KCNJ6: variants seen among roughly 807,000 people sequenced by gnomAD.
The protein encoded by KCNJ6 is G protein-activated inward rectifier potassium channel 2.
KCNJ6 carries 9 observed loss-of-function variants against 34.2 expected under a neutral mutation model. The observed-to-expected ratio is 0.26, with a 90% CI of 0.16 to 0.46. KCNJ6 has a LOEUF of 0.46. KCNJ6 is among the 20% of genes least tolerant of loss of function. The pLI is 1.00. For synonymous variants in KCNJ6, 196 were observed against 207.1 expected, an observed-to-expected ratio of 0.95 and a Z score of 0.46; for missense variants, 236 against 531.3, an observed-to-expected ratio of 0.44 and a Z score of 5.46.
chr21:37,848,318 A>G (rs898735296), intron 1 of KCNJ6, among the ~76,000 whole-genome samples: 1 of 152,234 alleles, frequency 6.6e-6, no homozygotes, highest in Admixed American at 6.5e-5. Context: ...TTTTTAGAGT[A>G]AAGTTAGTTT....
At chr21:37,741,753 C>T (rs1398739524) in intron 2 of KCNJ6, among the ~76,000 whole-genome samples, 1 of 152,236 alleles carries the variant, frequency 6.6e-6, no homozygotes, top group East Asian at 1.9e-4. Context: ...ACCAAGCCAG[C>T]ACCCAGAGGC....
intron 2 of KCNJ6, among the ~76,000 whole-genome samples, chr21:37,835,470 G>T (rs553593909): frequency 6.6e-6 from 1 of 152,194 alleles, no homozygotes; most frequent in East Asian, 1.9e-4. Context: ...GACCTCCAAG[G>T]TTGGAGGGCA....
Position 37,866,029 on chromosome 21 carries a change from A to C in KCNJ6, c.-27-25320T>G, listed in dbSNP as rs79671273. Among the ~76,000 whole-genome samples, 1,265 of 152,308 alleles carry C rather than the reference A, an allele frequency of 8.3e-3. 9 individuals carry two copies. The highest frequency in any genetic ancestry group is 0.014 in the Non-Finnish European group (931 of 68,022). ...TACTAACTTAGGTGTTGCTGTGAAG[A>C]TATTTTGTGGATGTGATCATAATTG... is the stretch of plus-strand genomic sequence containing the variant. On this transcript the variant is annotated intron_variant, in intron 1 of 3. Transcript: ENST00000609713.
At chr21:37,796,586 T>C (rs1353077208) in intron 2 of KCNJ6, among the ~76,000 whole-genome samples, 1 of 152,072 alleles carries the variant, frequency 6.6e-6, no homozygotes, top group Non-Finnish European at 1.5e-5. Flanking sequence ...CTGGTTCTCA[T>C]ACTGAGATTC....
intron 2 of KCNJ6, among the ~76,000 whole-genome samples, chr21:37,781,017 G>A (rs533197883): frequency 6.6e-6 from 1 of 152,310 alleles, no homozygotes; most frequent in East Asian, 1.9e-4. Context: ...ATCACGTTAG[G>A]GGAATGGAAA....
intron 3 of KCNJ6, among the ~76,000 whole-genome samples, chr21:37,643,860 A>C (rs2054392139): frequency 6.6e-6 from 1 of 152,220 alleles, no homozygotes; most frequent in Non-Finnish European, 1.5e-5. Context: ...TCGACCCAGC[A>C]GTCCCATTAC....
intron 2 of KCNJ6, among the ~76,000 whole-genome samples, chr21:37,822,580 G>C (rs1402906568): frequency 6.6e-6 from 1 of 152,214 alleles, no homozygotes; most frequent in African/African-American, 2.4e-5. Context: ...TCAGCATTGA[G>C]AGGCATATTT....
In KCNJ6 at chr21:37,612,727, A is replaced by G. The variant is rs928787401; in HGVS notation, c.*12432T>C. ...TGCACATTTGCACATCCACAGGCAAAAAAAAAAAAAAAAAAAAGAGTCTAA... is the reference window on the plus strand; with the variant it reads ...TGCACATTTGCACATCCACAGGCAAGAAAAAAAAAAAAAAAAAGAGTCTAA... On this transcript the variant is annotated 3_prime_UTR_variant, in exon 4 of 4. Coordinates refer to ENST00000609713, the MANE Select transcript of KCNJ6 (RefSeq NM_002240.5). 6.4e-4 allele frequency: 12 copies of G among 18,608 alleles called. No homozygotes were observed. In the African/African-American group the frequency reaches 7.6e-3, roughly 12 times the overall value. 1.2% of individuals were successfully genotyped at this position (18,608 alleles called of 1,614,324 possible).
intron 1 of KCNJ6, among the ~76,000 whole-genome samples, chr21:37,884,525 G>A (rs1158142347): frequency 6.6e-6 from 1 of 152,070 alleles, no homozygotes; most frequent in African/African-American, 2.4e-5. Flanking sequence ...CTGTTGCTGG[G>A]TTAACCTTCC....
chr21:37,727,467 G>GTGTGTGTGTGCATGGA (rs2054860685), intron 2 of KCNJ6, among the ~76,000 whole-genome samples: 1 of 149,154 alleles, frequency 6.7e-6, no homozygotes, highest in Admixed American at 6.6e-5. Context: ...ACGTGTGTGT[G>GTGTGTGTGTGCATGGA]TGTGTGTGCA....
chr21:37,669,452 C>A (rs1325513354), intron 3 of KCNJ6, among the ~76,000 whole-genome samples: 2 of 152,140 alleles, frequency 1.3e-5, no homozygotes, highest in African/African-American at 4.8e-5. Flanking sequence ...TGACATACTA[C>A]AAATTCAAAG....
rs1030295740 is a variant in KCNJ6 at position 37,888,096 on chromosome 21, G to A, written c.-28+27788C>T. 3.9e-5 allele frequency among the ~76,000 whole-genome samples: 6 copies of A among 152,320 alleles called. No individual in the cohort carries two copies. The East Asian group carries it at 1.2e-3, about 29-fold the overall frequency. ...CTGTTCCCAATTGTCTCCATGACAG[G>A]CCCATGAAAACCAAGGCTGGCTATT... On this transcript the variant is annotated intron_variant, in intron 1 of 3. Transcript: ENST00000609713.
At chr21:37,869,643 T>A (rs529953066) in intron 1 of KCNJ6, among the ~76,000 whole-genome samples, 13 of 152,310 alleles carry the variant, frequency 8.5e-5, no homozygotes, top group African/African-American at 3.1e-4. Flanking sequence ...AGTAGACAGG[T>A]TCTAGCTAAC....
chr21:37,849,187 A>G (rs1172061209), intron 1 of KCNJ6, among the ~76,000 whole-genome samples: 1 of 152,168 alleles, frequency 6.6e-6, no homozygotes, highest in Admixed American at 6.5e-5. Flanking sequence ...TCTGCTTCCA[A>G]GATGCACCTA....
intron 3 of KCNJ6, among the ~76,000 whole-genome samples, chr21:37,713,787 A>G (rs2054775465): frequency 6.6e-6 from 1 of 152,180 alleles, no homozygotes; most frequent in African/African-American, 2.4e-5. Flanking sequence ...AATGGGTGAA[A>G]TTGCATTTTT....
chr21:37,834,540 G>C (rs1186769839), intron 2 of KCNJ6, among the ~76,000 whole-genome samples: 1 of 152,204 alleles, frequency 6.6e-6, no homozygotes, highest in Non-Finnish European at 1.5e-5. Context: ...GTTGCGCCTG[G>C]TGCAGGCAGG....
At chr21:37,811,255 C>A (rs1190581995) in intron 2 of KCNJ6, among the ~76,000 whole-genome samples, 1 of 152,212 alleles carries the variant, frequency 6.6e-6, no homozygotes, top group African/African-American at 2.4e-5. Context: ...ATCTCCTCAT[C>A]TGTATCTTTT....
chr21:37,760,525 G>A (rs1222893552), intron 2 of KCNJ6, among the ~76,000 whole-genome samples: 1 of 152,196 alleles, frequency 6.6e-6, no homozygotes, highest in Admixed American at 6.5e-5. Context: ...CCAGACAGAT[G>A]TAAGTCCAAC....
intron 2 of KCNJ6, among the ~76,000 whole-genome samples, chr21:37,801,739 T>A (rs28446818): frequency 0.046 from 7,051 of 151,704 alleles, 530 homozygotes; most frequent in African/African-American, 0.16. Flanking sequence ...TGATTTTTTT[T>A]AAAAAATCAT....
Sources: allele counts gnomAD v4.1 joint callset (sites outside exome capture counted in the v4.1 genomes callset), GRCh38; gene constraint gnomAD v4.1.1; transcripts MANE v1.5; gene names NCBI Gene and HGNC (gene_info 2026-07-23, HGNC 2026-07-21).